Variants in WDR93 observed in about 807,000 individuals in gnomAD.
WDR93 encodes WD repeat-containing protein 93.
A neutral mutation model predicts 82.9 loss-of-function variants in WDR93; 73 were observed. That is an observed-to-expected ratio of 0.88 (90% CI 0.73 to 1.07). WDR93 has a LOEUF of 1.07. WDR93 is among the 50% of genes least tolerant of loss of function. The probability of loss-of-function intolerance (pLI) is 0.00; values close to 1 mark genes in which losing one functional copy is unlikely to be tolerated. For synonymous variants in WDR93, 283 were observed against 300.1 expected (o/e 0.94, Z 0.59); for missense variants, 738 against 826.0 (o/e 0.89, Z 1.31).
intron 6 of WDR93, among the ~76,000 whole-genome samples, chr15:89,715,954 G>A (rs185478952): frequency 6.6e-6 from 1 of 152,260 alleles, no homozygotes; most frequent in Non-Finnish European, 1.5e-5. Context: ...TACAGTGTAT[G>A]CTTATTATTT....
At chr15:89,703,928 A>G (rs918768848) in intron 3 of WDR93, 3 of 152,262 alleles carry the variant, frequency 2.0e-5, no homozygotes, top group Non-Finnish European at 4.4e-5. Flanking sequence ...TAAGAAGGGC[A>G]CTCTAGCAGG....
At position 89,698,395 on chromosome 15, in the gene WDR93, C is replaced by A. The variant is rs1387282871; in HGVS notation, c.-40-3312C>A. Among the ~76,000 whole-genome samples, 3 of 152,116 alleles carry A rather than the reference C, an allele frequency of 2.0e-5. No individual in the cohort carries two copies. In the South Asian group the frequency reaches 6.2e-4, roughly 32 times the overall value. Reference sequence around the variant, plus strand: ...CAGCATATATTGAGTCTTATCTATTCTGACAACTTCTATCATTTGACTGGA... The same window carrying A: ...CAGCATATATTGAGTCTTATCTATTATGACAACTTCTATCATTTGACTGGA... On this transcript the variant is annotated intron_variant, in intron 1 of 16. Coordinates refer to ENST00000268130, the MANE Select transcript of WDR93 (RefSeq NM_020212.2).
chr15:89,740,362 A>T, intron 16 of WDR93, among the ~76,000 whole-genome samples: 1 of 152,182 alleles, frequency 6.6e-6, no homozygotes, highest in East Asian at 1.9e-4. Flanking sequence ...AAATGTGCCT[A>T]TTCGTCAGGA....
intron 8 of WDR93, among the ~76,000 whole-genome samples, chr15:89,726,016 TGAA>T (rs1966723955): frequency 6.6e-6 from 1 of 152,228 alleles, no homozygotes; most frequent in Non-Finnish European, 1.5e-5. Flanking sequence ...TAAGCAACAA[TGAA>T]GAGGATCTAT....
At chr15:89,692,723 C>T (rs1340206933) in intron 1 of WDR93, among the ~76,000 whole-genome samples, 2 of 152,222 alleles carry the variant, frequency 1.3e-5, no homozygotes, top group Non-Finnish European at 2.9e-5. Context: ...GATTCTCCTG[C>T]TTCAGCCTCC....
intron 4 of WDR93, among the ~76,000 whole-genome samples, chr15:89,707,724 C>T (rs1965786596): frequency 6.6e-6 from 1 of 152,204 alleles, no homozygotes; most frequent in Non-Finnish European, 1.5e-5. Context: ...ATAGTACAAC[C>T]ACTTTGGCAG....
intron 7 of WDR93, among the ~76,000 whole-genome samples, chr15:89,717,789 C>G (rs1275081507): frequency 6.6e-6 from 1 of 152,146 alleles, no homozygotes; most frequent in Non-Finnish European, 1.5e-5. Flanking sequence ...AAAGAGGGTC[C>G]TATGAATCCT....
At chr15:89,699,629 TC>T (rs1401942791) in intron 1 of WDR93, among the ~76,000 whole-genome samples, 2 of 152,056 alleles carry the variant, frequency 1.3e-5, no homozygotes, top group African/African-American at 4.8e-5. Context: ...TCAGTTCTTC[TC>T]TTTTTTTCAG....
chr15:89,691,237 C>G (rs1964863804), intron 1 of WDR93, among the ~76,000 whole-genome samples: 1 of 152,154 alleles, frequency 6.6e-6, no homozygotes, highest in African/African-American at 2.4e-5. Flanking sequence ...AAATGTTCTG[C>G]TTGGATTATT....
rs765939148 is a variant in WDR93, at chr15:89,702,010, G to C, written c.264G>C (p.Gln88His). The change falls in exon 2 of 17, where the codon CAG becomes CAC. Residue 88 changes from glutamine to histidine, a missense_variant. Physicochemically the swap from Gln to His is conservative, Grantham distance 24 (BLOSUM62 0). Transcript: ENST00000268130. The stretch of plus-strand genomic sequence containing the variant: ...CACTGAGGGAAGCTGAGAGCAGCCA[G>C]ATCCAGCCCACCGTCTACCCTCCAC... The part of the protein sequence containing the change: ...RNALREAESS[Q>H]IQPTVYPPLG... 5.0e-6 allele frequency: 8 copies of C among 1,612,462 alleles called. No homozygotes were observed. Among genetic ancestry groups the C allele is most frequent in the Admixed American group, 3.3e-5 (2 of 59,990 alleles).
In WDR93 at chr15:89,720,884, A is replaced by T. The variant is rs192611812; in HGVS notation, c.796-1171A>T. Among the ~76,000 whole-genome samples, 11 of 151,980 alleles carry T rather than the reference A, an allele frequency of 7.2e-5. No homozygotes were observed. The East Asian group carries it at 2.1e-3, about 29-fold the overall frequency. Reference sequence around the variant, plus strand: ...TTATATCCTTACTATATTCTTACTGATTTTCTGTTTACTTATTCTGTACTT... The same window carrying T: ...TTATATCCTTACTATATTCTTACTGTTTTTCTGTTTACTTATTCTGTACTT... On this transcript the variant is annotated intron_variant, in intron 7 of 16. Coordinates refer to ENST00000268130, the MANE Select transcript of WDR93 (RefSeq NM_020212.2).
chr15:89,712,013 C>T lies in WDR93; in HGVS notation c.562-13C>T, dbSNP rs759788844. 2.5e-5 allele frequency: 41 copies of T among 1,610,054 alleles called. No individual in the cohort carries two copies. The highest frequency in any genetic ancestry group is 3.3e-5 in the Non-Finnish European group (39 of 1,177,184). ...GGCTATGCCTACTCTATCAACATCT[C>T]TTTTGTTTTCAGGATGATACCAGCA... is the stretch of plus-strand genomic sequence containing the variant. On this transcript the variant is annotated splice_polypyrimidine_tract_variant and intron_variant, in intron 4 of 16. Coordinates refer to ENST00000268130, the MANE Select transcript of WDR93 (RefSeq NM_020212.2).
chr15:89,741,876 C>G (rs1567135979), intron 16 of WDR93, among the ~76,000 whole-genome samples: 2 of 152,058 alleles, frequency 1.3e-5, no homozygotes, highest in Non-Finnish European at 2.9e-5. Flanking sequence ...CTCAGCCTCC[C>G]AAGTAGCTGG....
chr15:89,736,052 G>T (rs760323653), intron 14 of WDR93, among the ~76,000 whole-genome samples: 2 of 152,224 alleles, frequency 1.3e-5, no homozygotes, highest in African/African-American at 2.4e-5. Context: ...CCAGACCATG[G>T]AAGGTCCTGT....
At chr15:89,729,800 A>G (rs756484110) in intron 11 of WDR93, 31 bp downstream of exon 11, 1 of 1,565,448 alleles carries the variant, frequency 6.4e-7, no homozygotes, top group Admixed American at 1.7e-5. Context: ...GAGTCGCCTA[A>G]GCTCAGGACT....
chr15:89,719,956 C>T (rs937648467), intron 7 of WDR93, among the ~76,000 whole-genome samples: 15 of 151,766 alleles, frequency 9.9e-5, no homozygotes, highest in Admixed American at 6.6e-4. Flanking sequence ...CCTGCCACCA[C>T]GCCTGGCTAA....
chr15:89,728,488 A>T (rs903929926), intron 9 of WDR93, among the ~76,000 whole-genome samples: 8 of 152,220 alleles, frequency 5.3e-5, no homozygotes, highest in Non-Finnish European at 1.0e-4. Context: ...CTACGTCAAG[A>T]TTCAGTGGTA....
intron 13 of WDR93, among the ~76,000 whole-genome samples, chr15:89,733,615 G>A (rs1966925257): frequency 6.6e-6 from 1 of 152,000 alleles, no homozygotes; most frequent in South Asian, 2.1e-4. Flanking sequence ...GGAAATAGTG[G>A]CTTTATAAGA....
chr15:89,701,605 G>C, intron 1 of WDR93, 102 bp from the exon 2 acceptor site: 1 of 989,482 alleles, frequency 1.0e-6, no homozygotes, highest in Non-Finnish European at 1.5e-6. Context: ...CCAGTCTGTG[G>C]AATAAGCAGT....
Sources: allele counts gnomAD v4.1 joint callset (sites outside exome capture counted in the v4.1 genomes callset), GRCh38; gene constraint gnomAD v4.1.1; transcripts MANE v1.5; gene names NCBI Gene and HGNC (gene_info 2026-07-23, HGNC 2026-07-21).